HDAC4: variants seen among roughly 807,000 people sequenced by gnomAD.
HDAC4 encodes the protein histone deacetylase A.
A neutral mutation model predicts 135.1 loss-of-function variants in HDAC4; 16 were observed. The observed-to-expected ratio is 0.12, with a 90% CI of 0.08 to 0.18. The LOEUF (loss-of-function observed/expected upper bound fraction) is 0.18. Among genes scored for constraint, HDAC4 ranks in the 10% least tolerant of loss-of-function variants. The pLI, the probability that HDAC4 is intolerant of heterozygous loss-of-function variation, is 1.00. For missense variants in HDAC4, 1,143 were observed against 1,511.8 expected, an observed-to-expected ratio of 0.76 and a Z score of 4.05; for synonymous variants, 685 against 653.4, an observed-to-expected ratio of 1.05 and a Z score of -0.74.
At chr2:239,264,315 C>T (rs974102013) in intron 2 of HDAC4, among the ~76,000 whole-genome samples, 2 of 152,234 alleles carry the variant, frequency 1.3e-5, no homozygotes, top group Admixed American at 6.5e-5. Context: ...AATGGAAGCA[C>T]AGGCATTTCC....
intron 2 of HDAC4, among the ~76,000 whole-genome samples, chr2:239,255,786 G>C (rs2049020359): frequency 6.6e-6 from 1 of 152,192 alleles, no homozygotes; most frequent in Admixed American, 6.5e-5. Context: ...CCAAGAGCAT[G>C]ACTGACAGCA....
At chr2:239,253,358 G>A (rs2124995198) in intron 2 of HDAC4, among the ~76,000 whole-genome samples, 1 of 152,342 alleles carries the variant, frequency 6.6e-6, no homozygotes, top group Admixed American at 6.5e-5. Flanking sequence ...ACCCCTGTAT[G>A]CTGTTATGAC....
intron 3 of HDAC4, among the ~76,000 whole-genome samples, chr2:239,217,137 G>A (rs766639657): frequency 2.6e-5 from 4 of 152,126 alleles, no homozygotes; most frequent in African/African-American, 4.8e-5. Flanking sequence ...ACACACCTCC[G>A]CAGGGCTCCA....
At chr2:239,197,202 C>G (rs2045449485) in intron 3 of HDAC4, among the ~76,000 whole-genome samples, 1 of 152,210 alleles carries the variant, frequency 6.6e-6, no homozygotes, top group South Asian at 2.1e-4. Context: ...CGCGTCCTGA[C>G]TTTGGCTGGG....
intron 2 of HDAC4, among the ~76,000 whole-genome samples, chr2:239,325,485 T>C (rs747984680): frequency 2.8e-4 from 42 of 152,234 alleles, no homozygotes; most frequent in Non-Finnish European, 5.9e-4. Context: ...ACATCACTAA[T>C]TATTAGGCAA....
At chr2:239,225,517 CA>C (rs1455704966) in intron 3 of HDAC4, among the ~76,000 whole-genome samples, 2 of 152,188 alleles carry the variant, frequency 1.3e-5, no homozygotes, top group East Asian at 3.9e-4. Context: ...GCCCCCACCC[CA>C]GGGGGGGATG....
intron 2 of HDAC4, among the ~76,000 whole-genome samples, chr2:239,312,717 T>A (rs2052943201): frequency 6.6e-6 from 1 of 152,206 alleles, no homozygotes; most frequent in Non-Finnish European, 1.5e-5. Context: ...ATGAAGTTGG[T>A]CTTCCTATGG....
rs1238155276 is a variant in HDAC4, at chr2:239,240,602, G to C, written c.23-3938C>G. On this transcript the variant is annotated intron_variant, in intron 2 of 26. Transcript: ENST00000543185. This position sits in a 1 kb window ranked among gnomAD's most constrained non-coding sequence, Gnocchi z 4.5. ...TGTCTCCGCTTGAGAATCTATTTTT[G>C]GAAACCCTGCTGGACAGGGACGATC... Among the ~76,000 whole-genome samples the C allele has an allele frequency of 6.6e-6, 1 of 152,160 alleles. No homozygotes were observed. The highest frequency in any genetic ancestry group is 1.5e-5 in the Non-Finnish European group (1 of 68,034).
chr2:239,388,115 G>A (rs1695949455), intron 1 of HDAC4, among the ~76,000 whole-genome samples: 2 of 152,182 alleles, frequency 1.3e-5, no homozygotes, highest in African/African-American at 4.8e-5. Context: ...TGAAGCCGAG[G>A]GAGGCAGCGA....
chr2:239,297,504 C>G lies in HDAC4; in HGVS notation c.22+55174G>C, dbSNP rs1388101469. Among the ~76,000 whole-genome samples the G allele has an allele frequency of 4.6e-5, 7 of 152,264 alleles. No homozygotes were observed. In the East Asian group the frequency reaches 1.3e-3, roughly 29 times the overall value. On this transcript the variant is annotated intron_variant, in intron 2 of 26. Transcript: ENST00000543185. Reference sequence around the variant, plus strand: ...GGTCAAGTCCAGACTCTGCGGCTCCCTGGCTGCCCGGCTATGAGCTACTGT... The same window carrying G: ...GGTCAAGTCCAGACTCTGCGGCTCCGTGGCTGCCCGGCTATGAGCTACTGT...
intron 26 of HDAC4, 33 bp from the exon 27 acceptor site, chr2:239,053,169 G>A (rs775551847): frequency 1.7e-5 from 27 of 1,613,218 alleles, no homozygotes; most frequent in South Asian, 1.1e-4. Flanking sequence ...AGATGGGGGC[G>A]TGGGGCAGGT....
chr2:239,126,642 A>G lies in HDAC4; in HGVS notation c.1347T>C (p.Val449=), dbSNP rs369473553. The change falls in exon 12 of 27, where the codon GTT becomes GTC. Residue 449 remains valine (V), a synonymous_variant. Coordinates refer to ENST00000543185, the MANE Select transcript of HDAC4 (RefSeq NM_001378414.1). ...GALPLHAQSL[V]GADRVSPSIH... Reference sequence around the variant, plus strand: ...TGGAGGGGGACACCCGGTCTGCACCAACCAAGGACTGTGCGTGGAGGGGCA... The same window carrying G: ...TGGAGGGGGACACCCGGTCTGCACCGACCAAGGACTGTGCGTGGAGGGGCA... 2 of 1,613,924 alleles carry G rather than the reference A, an allele frequency of 1.2e-6. No homozygotes were observed. Among genetic ancestry groups the G allele is most frequent in the African/African-American group, 2.7e-5 (2 of 74,946 alleles).
chr2:239,133,508 C>T (rs1234430823), intron 11 of HDAC4, among the ~76,000 whole-genome samples: 1 of 152,196 alleles, frequency 6.6e-6, no homozygotes, highest in Non-Finnish European at 1.5e-5. Flanking sequence ...GCTCTGTTGC[C>T]CAGGCTGGAG....
intron 3 of HDAC4, among the ~76,000 whole-genome samples, chr2:239,223,413 C>T (rs913286440): frequency 1.3e-5 from 2 of 152,132 alleles, no homozygotes; most frequent in South Asian, 2.1e-4. Flanking sequence ...AAGGGCGCTG[C>T]GGGTCACTGG....
Position 239,163,797 on chromosome 2 carries a change from A to G in HDAC4, c.611+6T>C. ...AGGCCGGGGTGCTCCCCACACCCACACTTACCCGTACCAGTAGCGAGGGTC... is the reference window on the plus strand; with the variant it reads ...AGGCCGGGGTGCTCCCCACACCCACGCTTACCCGTACCAGTAGCGAGGGTC... On this transcript the variant is annotated splice_donor_region_variant and intron_variant, in intron 6 of 26. Coordinates refer to ENST00000543185, the MANE Select transcript of HDAC4 (RefSeq NM_001378414.1). The G allele has an allele frequency of 6.2e-7, 1 of 1,614,060 alleles. No homozygotes were observed. The highest frequency in any genetic ancestry group is 8.5e-7 in the Non-Finnish European group (1 of 1,180,010).
intron 3 of HDAC4, among the ~76,000 whole-genome samples, chr2:239,233,458 G>GAAA (rs76168990): frequency 2.3e-5 from 3 of 128,364 alleles, no homozygotes; most frequent in Non-Finnish European, 3.3e-5. Context: ...TCCAAAATCC[G>GAAA]AAAAAAAAAA....
At chr2:239,083,223 T>C (rs2035530292) in intron 20 of HDAC4, among the ~76,000 whole-genome samples, 1 of 152,258 alleles carries the variant, frequency 6.6e-6, no homozygotes, top group Non-Finnish European at 1.5e-5. Flanking sequence ...CTGCGTGTCC[T>C]AGCGCTTCAC....
intron 4 of HDAC4, among the ~76,000 whole-genome samples, chr2:239,187,362 T>C (rs2044625150): frequency 6.6e-6 from 1 of 152,176 alleles, no homozygotes; most frequent in African/African-American, 2.4e-5. Flanking sequence ...AAAAATTACT[T>C]CTAGGAGTCA....
intron 17 of HDAC4, 200 bp downstream of exon 17, chr2:239,094,810 T>G: frequency 6.9e-7 from 1 of 1,451,998 alleles, no homozygotes; most frequent in Non-Finnish European, 9.2e-7. Context: ...CAGACAACCT[T>G]CCCCAGAGAA....
Sources: gnomAD v4.1 joint callset for allele counts (sites outside exome capture counted in the v4.1 genomes callset) on GRCh38, gnomAD v4.1.1 for gene constraint, Gnocchi (gnomAD v3.1) non-coding constraint, MANE v1.5 for transcripts, NCBI Gene and HGNC (gene_info 2026-07-23, HGNC 2026-07-21) for gene names.